Variants in GNA15 observed in about 807,000 individuals in gnomAD.
The protein encoded by GNA15 is G protein subunit alpha 15.
Under a neutral mutation model 40.1 loss-of-function variants are expected in GNA15, and 23 were observed. The ratio of observed to expected loss-of-function variants is 0.57; its 90% CI spans 0.41 to 0.81. GNA15 has a LOEUF of 0.81. Ranked by LOEUF, GNA15 falls within the 40% of genes least tolerant of loss-of-function variation. The pLI, the probability that GNA15 is intolerant of heterozygous loss-of-function variation, is 0.00. For synonymous variants in GNA15, 226 were observed against 210.4 expected (o/e 1.07, Z -0.64); for missense variants, 522 against 515.8 (o/e 1.01, Z -0.12).
At chr19:3,146,816 C>T (rs1914733640) in intron 1 of GNA15, among the ~76,000 whole-genome samples, 1 of 152,202 alleles carries the variant, frequency 6.6e-6, no homozygotes, top group Admixed American at 6.5e-5. Flanking sequence ...CTCCTCTGCC[C>T]ACAGCCCTCC....
intron 1 of GNA15, chr19:3,142,200 T>C (rs1262490110): frequency 1.3e-5 from 2 of 152,224 alleles, no homozygotes; most frequent in Admixed American, 1.3e-4. Context: ...CTGGGCCGCA[T>C]GGCCTTTGGG....
chr19:3,149,146 C>T, intron 2 of GNA15: 1 of 226,152 alleles, frequency 4.4e-6, no homozygotes. Context: ...CAAATGCACA[C>T]AAGGATCCAT....
rs892447325 is a variant in GNA15 at position 3,151,379 on chromosome 19, G to A, written c.486-328G>A. 2.6e-5 allele frequency among the ~76,000 whole-genome samples: 4 copies of A among 152,094 alleles called. No homozygotes were observed. The highest frequency in any genetic ancestry group is 9.7e-5 in the African/African-American group (4 of 41,420). ...ATGTCCAAGGTGGCTTGATGTCTGGGAAGACTGTTCCCAGGCTACCAGCAT... is the reference window on the plus strand; with the variant it reads ...ATGTCCAAGGTGGCTTGATGTCTGGAAAGACTGTTCCCAGGCTACCAGCAT... On this transcript the variant is annotated intron_variant, in intron 3 of 6. Coordinates refer to ENST00000262958, the MANE Select transcript of GNA15 (RefSeq NM_002068.4). This position sits in a 1 kb window ranked among gnomAD's most constrained non-coding sequence, Gnocchi z 5.0.
rs74878331 is a variant in GNA15 at position 3,152,774 on chromosome 19, C to T, written c.614+939C>T. On this transcript the variant is annotated intron_variant, in intron 4 of 6. Transcript: ENST00000262958. ...GACAGCGATTGTGTTTGACCTACCC[C>T]TATTTGGCCTTCCTTTCCCTAAATC... 3.8e-3 allele frequency among the ~76,000 whole-genome samples: 579 copies of T among 152,258 alleles called. 2 individuals carry two copies. Among genetic ancestry groups the T allele is most frequent in the African/African-American group, 0.013 (553 of 41,554 alleles).
chr19:3,150,693 C>A (rs896066317), intron 3 of GNA15, among the ~76,000 whole-genome samples: 2 of 151,902 alleles, frequency 1.3e-5, no homozygotes, highest in Non-Finnish European at 2.9e-5. Context: ...TTCCCTGTTC[C>A]TGCGAGGACC....
Position 3,150,814 on chromosome 19 carries a change from T to C in GNA15, c.485+529T>C, listed in dbSNP as rs954605006. Among the ~76,000 whole-genome samples the C allele has an allele frequency of 4.0e-4, 60 of 150,936 alleles. 1 individual carries two copies. Among genetic ancestry groups the C allele is most frequent in the Admixed American group, 4.0e-3 (60 of 15,188 alleles). ...CCCTATTCCTGGAGAACCCTGTTCC[T>C]GGAGTGACCCTGGGCCTTGGAGTCC... On this transcript the variant is annotated intron_variant, in intron 3 of 6. Coordinates refer to ENST00000262958, the MANE Select transcript of GNA15 (RefSeq NM_002068.4).
In GNA15 at chr19:3,151,059, GACCTTGTTCCTGGGGGA is replaced by G. The variant is rs970517456; in HGVS notation, c.486-644_486-628del. Among the ~76,000 whole-genome samples, 14 of 151,534 alleles carry G rather than the reference GACCTTGTTCCTGGGGGA, an allele frequency of 9.2e-5. No homozygotes were observed. Among genetic ancestry groups the G allele is most frequent in the South Asian group, 2.1e-4 (1 of 4,794 alleles). On this transcript the variant is annotated intron_variant, in intron 3 of 6. Coordinates refer to ENST00000262958, the MANE Select transcript of GNA15 (RefSeq NM_002068.4). This position sits in a 1 kb window ranked among gnomAD's most constrained non-coding sequence, Gnocchi z 5.0. The stretch of plus-strand genomic sequence containing the variant: ...CTTGGAGGGACCCTGTTCCTGGGGG[GACCTTGTTCCTGGGGGA>G]ACCCTATTCCTAGAGAACCCTGTTC...
chr19:3,154,423 G>A (rs1172601757), intron 4 of GNA15, among the ~76,000 whole-genome samples: 1 of 149,254 alleles, frequency 6.7e-6, no homozygotes, highest in East Asian at 2.0e-4. Flanking sequence ...GTACATGGGT[G>A]GATGAGTGAG....
rs764054033 is a variant in GNA15 at position 3,150,263 on chromosome 19, C to A, written c.463C>A (p.His155Asn). The A allele has an allele frequency of 8.1e-6, 13 of 1,600,982 alleles. No individual in the cohort carries two copies. Among genetic ancestry groups the A allele is most frequent in the African/African-American group, 1.3e-5 (1 of 74,722 alleles). Reference protein sequence around the residue: ...RACYERRREFHLLDSAVYYLS... With the variant: ...RACYERRREFNLLDSAVYYLS... ...CTGCTATGAGCGTCGGCGGGAATTC[C>A]ACCTGCTCGATTCAGCCGTGTAGTG... The change falls in exon 3 of 7, where the codon CAC (histidine) becomes AAC (asparagine). Residue 155 changes from histidine to asparagine, a missense_variant. Physicochemically the swap from His to Asn is moderately conservative, Grantham distance 68. Coordinates refer to ENST00000262958, the MANE Select transcript of GNA15 (RefSeq NM_002068.4).
rs1422979023 is a variant in GNA15 at position 3,151,941 on chromosome 19, C to G, written c.614+106C>G. 1.2e-6 allele frequency: 1 copy of G among 800,588 alleles called. No homozygotes were observed. Among genetic ancestry groups the G allele is most frequent in the Non-Finnish European group, 1.9e-6 (1 of 528,762 alleles). The allele number at this position is 800,588 out of a possible 1,614,324, so 49.6% of individuals were successfully genotyped here. On this transcript the variant is annotated intron_variant, in intron 4 of 6. Coordinates refer to ENST00000262958, the MANE Select transcript of GNA15 (RefSeq NM_002068.4). The surrounding 1 kb of genome is among the most constrained non-coding windows in gnomAD (Gnocchi z 5.0). ...ATGAGTAGGAGTTTCTTAGGCCCAGCCTTCAAGGAGCTGCCAAGCTAGGGG... is the reference window on the plus strand; with the variant it reads ...ATGAGTAGGAGTTTCTTAGGCCCAGGCTTCAAGGAGCTGCCAAGCTAGGGG...
intron 2 of GNA15, 24 bp from the exon 3 acceptor site, chr19:3,150,107 A>G (rs1212794214): frequency 6.2e-7 from 1 of 1,606,058 alleles, no homozygotes; most frequent in African/African-American, 1.3e-5. Context: ...GGCTACCCTA[A>G]CTGCCCCCGT....
At chr19:3,162,743 T>G in intron 6 of GNA15, 50 bp from the exon 7 acceptor site, 1 of 1,304,804 alleles carries the variant, frequency 7.7e-7, no homozygotes, top group Non-Finnish European at 1.1e-6. Flanking sequence ...AGAGGCCCCC[T>G]GGGTCCAAAG....
At chr19:3,157,380 T>C (rs2144861907) in intron 5 of GNA15, among the ~76,000 whole-genome samples, 1 of 152,264 alleles carries the variant, frequency 6.6e-6, no homozygotes, top group South Asian at 2.1e-4. Flanking sequence ...TAACGACCTC[T>C]TCAAAGACCC....
rs1351583596 is a variant in GNA15 at position 3,150,198 on chromosome 19, C to T, written c.398C>T (p.Ala133Val). 8 of 1,612,602 alleles carry T rather than the reference C, an allele frequency of 5.0e-6. No individual in the cohort carries two copies. In the Admixed American group the frequency reaches 5.0e-5, roughly 10 times the overall value. Residue 133 changes from alanine (A) to valine (V), a missense_variant, in exon 3 of 7, where the codon GCG becomes GTG. Ala to Val is a moderately conservative substitution (Grantham distance 64, BLOSUM62 0). Coordinates refer to ENST00000262958, the MANE Select transcript of GNA15 (RefSeq NM_002068.4). ...ACCACGTTTGAGAAGCGCTACGCTG[C>T]GGCCATGCAGTGGCTGTGGAGGGAT... The part of the protein sequence containing the change: ...KVTTFEKRYA[A>V]AMQWLWRDAG...
chr19:3,146,794 C>G (rs1002793682), intron 1 of GNA15, among the ~76,000 whole-genome samples: 1 of 152,126 alleles, frequency 6.6e-6, no homozygotes, highest in Admixed American at 6.5e-5. Context: ...GCACCTGAGT[C>G]AGGGCCAGTC....
chr19:3,145,362 T>TATATATATATATATAGA, intron 1 of GNA15, among the ~76,000 whole-genome samples: 1 of 126,542 alleles, frequency 7.9e-6, no homozygotes, highest in East Asian at 2.4e-4. Context: ...TATATATATT[T>TATATATATATATATAGA]TTTTTTTTTT....
intron 1 of GNA15, among the ~76,000 whole-genome samples, chr19:3,144,420 TA>T (rs1240728358): frequency 1.3e-5 from 2 of 152,250 alleles, no homozygotes; most frequent in African/African-American, 4.8e-5. Flanking sequence ...TAACATGCAA[TA>T]AATTCTGGAA....
intron 6 of GNA15, among the ~76,000 whole-genome samples, chr19:3,159,507 G>C (rs141677110): frequency 6.6e-6 from 1 of 151,584 alleles, no homozygotes; most frequent in African/African-American, 2.4e-5. Context: ...CCACCACCCC[G>C]GCTAATTTTG....
chr19:3,145,403 G>A (rs932128795), intron 1 of GNA15, among the ~76,000 whole-genome samples: 10 of 122,338 alleles, frequency 8.2e-5, no homozygotes, highest in African/African-American at 2.5e-4. Flanking sequence ...TGTTGCCCAG[G>A]GTGGTCTTGA....
Sources: allele counts gnomAD v4.1 joint callset (sites outside exome capture counted in the v4.1 genomes callset), GRCh38; gene constraint gnomAD v4.1.1; non-coding constraint Gnocchi (gnomAD v3.1); transcripts MANE v1.5; gene names NCBI Gene and HGNC (gene_info 2026-07-23, HGNC 2026-07-21).